The following PIBF1 variants were observed in gnomAD, a reference collection of about 807,000 sequenced individuals.
The protein encoded by PIBF1 is progesterone immunomodulatory binding factor 1.
Under a neutral mutation model 112.5 loss-of-function variants are expected in PIBF1, and 90 were observed. The observed-to-expected ratio is 0.80, with a 90% CI of 0.67 to 0.95. PIBF1 has a LOEUF of 0.95. Ranked by LOEUF, PIBF1 falls within the 40% of genes least tolerant of loss-of-function variation. PIBF1 has a pLI of 0.00. For missense variants in PIBF1, 915 were observed against 852.3 expected, an observed-to-expected ratio of 1.07 and a Z score of -0.92; for synonymous variants, 301 against 288.6, an observed-to-expected ratio of 1.04 and a Z score of -0.44.
At chr13:72,808,996 A>G (rs1329052182) in intron 5 of PIBF1, among the ~76,000 whole-genome samples, 1 of 152,178 alleles carries the variant, frequency 6.6e-6, no homozygotes, top group African/African-American at 2.4e-5. Context: ...ATTTTACTTA[A>G]AAAGTTTATT....
chr13:72,815,883 C>T (rs1421851294), intron 5 of PIBF1, among the ~76,000 whole-genome samples: 1 of 152,190 alleles, frequency 6.6e-6, no homozygotes, highest in Non-Finnish European at 1.5e-5. Context: ...CCATACTTTT[C>T]TTGCATTGAT....
At chr13:72,962,188 A>G (rs2042624256) in intron 14 of PIBF1, among the ~76,000 whole-genome samples, 1 of 152,354 alleles carries the variant, frequency 6.6e-6, no homozygotes, top group South Asian at 2.1e-4. Flanking sequence ...ACTATTAACA[A>G]TCTAGAAAAA....
chr13:72,985,089 TC>T (rs2043242571), intron 16 of PIBF1, among the ~76,000 whole-genome samples: 1 of 152,146 alleles, frequency 6.6e-6, no homozygotes, highest in Non-Finnish European at 1.5e-5. Flanking sequence ...TCTCTTGCTA[TC>T]ATTTCTAACC....
chr13:72,827,440 G>T (rs927753675), intron 7 of PIBF1, among the ~76,000 whole-genome samples: 2 of 151,614 alleles, frequency 1.3e-5, no homozygotes. Flanking sequence ...GTAGAAACAG[G>T]GTTTCACCAT....
At chr13:72,863,523 T>C (rs895507323) in intron 10 of PIBF1, among the ~76,000 whole-genome samples, 1 of 150,774 alleles carries the variant, frequency 6.6e-6, no homozygotes. Flanking sequence ...CCAGGCGTGG[T>C]GGTGGGCACC....
At chr13:72,944,066 A>G (rs952803856) in intron 14 of PIBF1, among the ~76,000 whole-genome samples, 1 of 152,220 alleles carries the variant, frequency 6.6e-6, no homozygotes, top group African/African-American at 2.4e-5. Flanking sequence ...TATTAATAAA[A>G]TAAGTATTTT....
At chr13:72,838,251 G>C (rs1160205711) in intron 9 of PIBF1, among the ~76,000 whole-genome samples, 1 of 152,116 alleles carries the variant, frequency 6.6e-6, no homozygotes, top group Admixed American at 6.6e-5. Flanking sequence ...CTAATGGAGG[G>C]TAAAGACAAA....
At chr13:72,882,104 G>GA (rs372911583) in intron 10 of PIBF1, among the ~76,000 whole-genome samples, 122 of 147,422 alleles carry the variant, frequency 8.3e-4, no homozygotes, top group Non-Finnish European at 1.3e-3. Flanking sequence ...CAGACCAATG[G>GA]AAAAAAAAAA....
chr13:72,816,097 A>T (rs2036258981), intron 5 of PIBF1, among the ~76,000 whole-genome samples: 1 of 152,188 alleles, frequency 6.6e-6, no homozygotes, highest in African/African-American at 2.4e-5. Context: ...GCATTTTGCA[A>T]TGGTGGGGTC....
intron 16 of PIBF1, among the ~76,000 whole-genome samples, chr13:72,977,712 C>G (rs992943756): frequency 3.8e-4 from 58 of 152,114 alleles, no homozygotes; most frequent in African/African-American, 1.4e-3. Flanking sequence ...TTAGTGTTAG[C>G]TCAAAAATAT....
intron 14 of PIBF1, among the ~76,000 whole-genome samples, chr13:72,952,206 AC>A (rs2042319536): frequency 6.6e-6 from 1 of 151,346 alleles, no homozygotes; most frequent in African/African-American, 2.4e-5. Flanking sequence ...GGCACACACC[AC>A]CATGCCCAGC....
chr13:72,869,639 T>C (rs979753998), intron 10 of PIBF1, among the ~76,000 whole-genome samples: 5 of 151,352 alleles, frequency 3.3e-5, no homozygotes, highest in East Asian at 1.9e-4. Flanking sequence ...AAATAAATAA[T>C]AAAAAAATAA....
chr13:72,795,914 G>C (rs1167312816), intron 4 of PIBF1, among the ~76,000 whole-genome samples: 2 of 152,208 alleles, frequency 1.3e-5, no homozygotes, highest in Non-Finnish European at 2.9e-5. Context: ...GATAGGATGA[G>C]AAAGAACTTT....
At chr13:72,835,477 G>A (rs1186205439) in intron 9 of PIBF1, 109 bp downstream of exon 9, 5 of 782,010 alleles carry the variant, frequency 6.4e-6, no homozygotes, top group Non-Finnish European at 9.4e-6. Context: ...TAATACATTA[G>A]AGAAAACTTG....
chr13:72,931,938 C>CTTTTTT (rs59274277), intron 14 of PIBF1, among the ~76,000 whole-genome samples: 2 of 100,834 alleles, frequency 2.0e-5, no homozygotes, highest in Non-Finnish European at 3.8e-5. Context: ...TTGTTTCTTT[C>CTTTTTT]TTTTTTTTTT....
At chr13:72,902,695 T>A (rs890022897) in intron 11 of PIBF1, among the ~76,000 whole-genome samples, 1 of 152,184 alleles carries the variant, frequency 6.6e-6, no homozygotes, top group Admixed American at 6.5e-5. Flanking sequence ...CAACAGTAGA[T>A]AAAGTTTTCA....
chr13:72,819,771 A>G (rs992296125), intron 5 of PIBF1, among the ~76,000 whole-genome samples: 1 of 152,082 alleles, frequency 6.6e-6, no homozygotes, highest in Non-Finnish European at 1.5e-5. Context: ...CCCTACCGCT[A>G]AATACTTTAA....
At chr13:72,828,354 G>A (rs1304914789) in intron 8 of PIBF1, among the ~76,000 whole-genome samples, 1 of 149,854 alleles carries the variant, frequency 6.7e-6, no homozygotes, top group Non-Finnish European at 1.5e-5. Flanking sequence ...GTATACACAT[G>A]CCATGGTGGT....
chr13:72,935,633 T>G (rs868749196), intron 14 of PIBF1, among the ~76,000 whole-genome samples: 3 of 152,228 alleles, frequency 2.0e-5, no homozygotes, highest in African/African-American at 7.2e-5. Flanking sequence ...GTTTCCCAGA[T>G]GTTTGTACCA....
Sources: allele counts gnomAD v4.1 joint callset (sites outside exome capture counted in the v4.1 genomes callset), GRCh38; gene constraint gnomAD v4.1.1; transcripts MANE v1.5; gene names NCBI Gene and HGNC (gene_info 2026-07-23, HGNC 2026-07-21).